The following CENPC variants were observed in gnomAD, a reference collection of about 807,000 sequenced individuals.
The protein encoded by CENPC is centromere protein C.
CENPC carries 63 observed loss-of-function variants against 112.1 expected under a neutral mutation model. The ratio of observed to expected loss-of-function variants is 0.56; its 90% CI spans 0.46 to 0.69. The LOEUF is 0.69. Among genes scored for constraint, CENPC ranks in the 30% least tolerant of loss-of-function variants. The probability of loss-of-function intolerance (pLI) is 0.00; values close to 1 mark genes in which losing one functional copy is unlikely to be tolerated. For missense variants in CENPC, 1,000 were observed against 1,103.8 expected, an observed-to-expected ratio of 0.91 and a Z score of 1.33; for synonymous variants, 333 against 367.6, an observed-to-expected ratio of 0.91 and a Z score of 1.08.
rs371084823 is a variant in CENPC at position 67,512,336 on chromosome 4, A to T, written c.1612+66T>A. The T allele has an allele frequency of 6.8e-6, 8 of 1,170,548 alleles. No individual in the cohort carries two copies. The African/African-American group carries it at 9.4e-5, about 14-fold the overall frequency. The allele number at this position is 1,170,548 out of a possible 1,614,324, so 72.5% of individuals were successfully genotyped here. A position where few individuals can be genotyped will look rare whatever the true frequency, so the allele number is the denominator to read the frequency against. On this transcript the variant is annotated intron_variant, in intron 9 of 18. Transcript: ENST00000273853. ...ATTCTCTATATAGAAATATAAAATC[A>T]AACATAATGCCCCTTACAGAATGAT...
At chr4:67,488,063 TAAC>T (rs1577975478) in intron 17 of CENPC, among the ~76,000 whole-genome samples, 3 of 151,870 alleles carry the variant, frequency 2.0e-5, no homozygotes, top group East Asian at 3.9e-4. Flanking sequence ...TCAACTAAAA[TAAC>T]TACATAATCA....
At chr4:67,484,308 A>G (rs987628792) in intron 17 of CENPC, among the ~76,000 whole-genome samples, 10 of 152,184 alleles carry the variant, frequency 6.6e-5, no homozygotes, top group Non-Finnish European at 4.4e-5. Flanking sequence ...CGTTCATAAG[A>G]CAAAATAGCT....
At position 67,536,164 on chromosome 4, in the gene CENPC, TA is replaced by T. The variant is rs201103960; in HGVS notation, c.231+3675del. 2.1e-4 allele frequency among the ~76,000 whole-genome samples: 32 copies of T among 151,958 alleles called. 1 individual carries two copies. In the East Asian group the frequency reaches 5.4e-3, roughly 26 times the overall value. On this transcript the variant is annotated intron_variant, in intron 4 of 18. Transcript: ENST00000273853. The stretch of plus-strand genomic sequence containing the variant: ...AATTTAAAAAGGTGAAAACCAGCAA[TA>T]AAAAGAGAGTAATAACTATGAGGAA...
In CENPC at chr4:67,519,145, T is replaced by C; in HGVS notation, c.617+72A>G. 5 of 1,119,822 alleles carry C rather than the reference T, an allele frequency of 4.5e-6. No homozygotes were observed. In the South Asian group the frequency reaches 5.4e-5, roughly 12 times the overall value. 69.4% of individuals were successfully genotyped at this position (1,119,822 alleles called of 1,614,324 possible). A position where few individuals can be genotyped will look rare whatever the true frequency, so the allele number is the denominator to read the frequency against. On this transcript the variant is annotated intron_variant, in intron 6 of 18. Transcript: ENST00000273853. The stretch of plus-strand genomic sequence containing the variant: ...CTTAGTGTAAAATAATATAACAAGA[T>C]TGAATTACCATTTTTTAATACAAAA...
chr4:67,509,543 T>C (rs1167879248), intron 9 of CENPC, among the ~76,000 whole-genome samples: 1 of 152,126 alleles, frequency 6.6e-6, no homozygotes, highest in Non-Finnish European at 1.5e-5. Flanking sequence ...TATATCTGCC[T>C]CTCTTGCTTT....
intron 12 of CENPC, among the ~76,000 whole-genome samples, chr4:67,502,579 A>G (rs1725621210): frequency 6.6e-6 from 1 of 152,240 alleles, no homozygotes; most frequent in African/African-American, 2.4e-5. Flanking sequence ...CAAAGACTAC[A>G]GAAAATACAA....
intron 12 of CENPC, among the ~76,000 whole-genome samples, chr4:67,500,676 C>A (rs1241329431): frequency 6.6e-6 from 1 of 152,026 alleles, no homozygotes; most frequent in East Asian, 1.9e-4. Flanking sequence ...GATTTTACAA[C>A]CCCATGGCAT....
At chr4:67,502,660 G>T (rs1047005268) in intron 12 of CENPC, among the ~76,000 whole-genome samples, 10 of 152,074 alleles carry the variant, frequency 6.6e-5, no homozygotes, top group African/African-American at 2.2e-4. Context: ...CAAATAAAAA[G>T]AATACATAGG....
At chr4:67,479,113 C>T (rs1724886765) in intron 17 of CENPC, among the ~76,000 whole-genome samples, 1 of 152,138 alleles carries the variant, frequency 6.6e-6, no homozygotes. Context: ...GACGGCAACA[C>T]ACTTATACTC....
chr4:67,526,858 A>G (rs1301992248), intron 5 of CENPC, among the ~76,000 whole-genome samples: 2 of 152,196 alleles, frequency 1.3e-5, no homozygotes, highest in Non-Finnish European at 2.9e-5. Flanking sequence ...ATTTTTTTTA[A>G]ATGCCCATTC....
At position 67,514,378 on chromosome 4, in the gene CENPC, T is replaced by C. The variant is rs1355698329; in HGVS notation, c.1140A>G (p.Val380=). Residue 380 remains valine (V), a synonymous_variant, in exon 8 of 19, where the codon GTA becomes GTG. Transcript: ENST00000273853. ...VETSQPSDKT[V]LDTSYALIGE... ...CTATCAAAGCATAACTTGTATCCAG[T>C]ACTGTTTTATCAGAGGGCTGAGATG... 1.1e-5 allele frequency: 18 copies of C among 1,613,282 alleles called. No homozygotes were observed. Among genetic ancestry groups the C allele is most frequent in the Non-Finnish European group, 1.4e-5 (17 of 1,179,498 alleles).
chr4:67,477,465 A>T (rs1158183468), intron 17 of CENPC, among the ~76,000 whole-genome samples: 2 of 152,224 alleles, frequency 1.3e-5, no homozygotes, highest in Non-Finnish European at 2.9e-5. Flanking sequence ...CAATCACTGC[A>T]GACTGCCTCT....
At chr4:67,542,259 T>A (rs537809817) in intron 2 of CENPC, among the ~76,000 whole-genome samples, 1 of 152,118 alleles carries the variant, frequency 6.6e-6, no homozygotes, top group African/African-American at 2.4e-5. Context: ...CCACAGACAG[T>A]ATGTAAACAA....
intron 17 of CENPC, among the ~76,000 whole-genome samples, chr4:67,489,446 G>GT (rs1371568052): frequency 6.6e-6 from 1 of 151,816 alleles, no homozygotes; most frequent in African/African-American, 2.4e-5. Context: ...TAGTTAAGTA[G>GT]TTTTTTTATA....
At chr4:67,517,666 C>T (rs1331905263) in intron 7 of CENPC, among the ~76,000 whole-genome samples, 1 of 151,622 alleles carries the variant, frequency 6.6e-6, no homozygotes, top group African/African-American at 2.4e-5. Context: ...GGGGATATCC[C>T]ATCTCTACTA....
rs540714395 is a variant in CENPC at position 67,469,126 on chromosome 4, A to G, written c.*3479T>C. 4.6e-5 allele frequency: 7 copies of G among 152,330 alleles called. No homozygotes were observed. The highest frequency in any genetic ancestry group is 1.7e-4 in the African/African-American group (7 of 41,578). The allele number at this position is 152,330 out of a possible 1,614,324, so 9.4% of individuals were successfully genotyped here. A position where few individuals can be genotyped will look rare whatever the true frequency, so the allele number is the denominator to read the frequency against. The stretch of plus-strand genomic sequence containing the variant: ...CATAGATGTAAGTAACCATTGGAAG[A>G]AATTAAAGACACATGCATCCATGTG... On this transcript the variant is annotated 3_prime_UTR_variant, in exon 19 of 19. Transcript: ENST00000273853.
At chr4:67,520,115 C>T (rs1277963820) in intron 5 of CENPC, among the ~76,000 whole-genome samples, 4 of 152,098 alleles carry the variant, frequency 2.6e-5, no homozygotes, top group African/African-American at 4.8e-5. Flanking sequence ...AGGGTGGAGG[C>T]TGGGTGGAAA....
At position 67,508,922 on chromosome 4, in the gene CENPC, C is replaced by T. The variant is rs371028405; in HGVS notation, c.1796G>A (p.Gly599Asp). Reference sequence around the variant, plus strand: ...ATCATGACCAACGATACCTCCAGAACCTTCAGCATTTAAAAACTTCTGTAC... The same window carrying T: ...ATCATGACCAACGATACCTCCAGAATCTTCAGCATTTAAAAACTTCTGTAC... Reference protein sequence around the residue: ...QRVQKFLNAEGSGGIVGHDEI... With the variant: ...QRVQKFLNAEDSGGIVGHDEI... The change falls in exon 10 of 19, where the codon GGT becomes GAT. Residue 599 changes from glycine (G) to aspartate (D), a missense_variant. Coordinates refer to ENST00000273853, the MANE Select transcript of CENPC (RefSeq NM_001812.4). 6.2e-7 allele frequency: 1 copy of T among 1,613,550 alleles called. No individual in the cohort carries two copies. The highest frequency in any genetic ancestry group is 8.5e-7 in the Non-Finnish European group (1 of 1,179,746).
At chr4:67,508,513 TAAA>T (rs34160703) in intron 10 of CENPC, among the ~76,000 whole-genome samples, 4 of 91,180 alleles carry the variant, frequency 4.4e-5, no homozygotes, top group East Asian at 3.5e-4. Context: ...CTCTGTCTCT[TAAA>T]AAAAAAAAAA....
Sources: allele counts gnomAD v4.1 joint callset (sites outside exome capture counted in the v4.1 genomes callset), GRCh38; gene constraint gnomAD v4.1.1; transcripts MANE v1.5; gene names NCBI Gene and HGNC (gene_info 2026-07-23, HGNC 2026-07-21).